Variants in NRG3 observed in about 807,000 individuals in gnomAD.
The protein encoded by NRG3 is neuregulin 3.
NRG3 carries 31 observed loss-of-function variants against 66.9 expected under a neutral mutation model. That is an observed-to-expected ratio of 0.46 (90% confidence interval 0.35 to 0.63). The LOEUF (loss-of-function observed/expected upper bound fraction) is 0.63, where lower values mean the gene tolerates loss of function less well. NRG3 is among the 20% of genes least tolerant of loss of function. The probability of loss-of-function intolerance (pLI) is 0.00; values close to 1 mark genes in which losing one functional copy is unlikely to be tolerated. For missense variants in NRG3, 910 were observed against 878.9 expected, an observed-to-expected ratio of 1.04 and a Z score of -0.45; for synonymous variants, 393 against 359.4, an observed-to-expected ratio of 1.09 and a Z score of -1.06.
At chr10:82,769,923 T>G (rs1026528130) in intron 3 of NRG3, among the ~76,000 whole-genome samples, 4 of 152,118 alleles carry the variant, frequency 2.6e-5, no homozygotes, top group African/African-American at 9.7e-5. Flanking sequence ...CTTGCCAATT[T>G]AGGACGTGAT....
chr10:82,933,461 C>T (rs1287187634), intron 4 of NRG3, among the ~76,000 whole-genome samples: 1 of 152,088 alleles, frequency 6.6e-6, no homozygotes, highest in Non-Finnish European at 1.5e-5. Flanking sequence ...TCTATCCTAC[C>T]CCATTATATT....
At chr10:81,968,905 T>C (rs1424757078) in intron 1 of NRG3, among the ~76,000 whole-genome samples, 1 of 152,178 alleles carries the variant, frequency 6.6e-6, no homozygotes, top group Admixed American at 6.5e-5. Flanking sequence ...CAACAGCTCT[T>C]GCAGAGAAGA....
At chr10:81,971,463 A>G (rs959607661) in intron 1 of NRG3, among the ~76,000 whole-genome samples, 6 of 152,240 alleles carry the variant, frequency 3.9e-5, no homozygotes, top group Admixed American at 3.9e-4. Flanking sequence ...TTATTTAATA[A>G]GTAATGGAAA....
chr10:82,227,929 G>A (rs2076249899), intron 1 of NRG3, among the ~76,000 whole-genome samples: 1 of 152,096 alleles, frequency 6.6e-6, no homozygotes, highest in Non-Finnish European at 1.5e-5. Context: ...CTTAATTTAA[G>A]TTTCCTCAAG....
At chr10:82,224,052 C>T (rs1165806160) in intron 1 of NRG3, among the ~76,000 whole-genome samples, 1 of 152,152 alleles carries the variant, frequency 6.6e-6, no homozygotes, top group Non-Finnish European at 1.5e-5. Flanking sequence ...TCCAGGGATG[C>T]CACCATGTGA....
At chr10:82,934,149 G>T (rs1317049936) in intron 4 of NRG3, among the ~76,000 whole-genome samples, 2 of 152,194 alleles carry the variant, frequency 1.3e-5, no homozygotes, top group Non-Finnish European at 2.9e-5. Flanking sequence ...TGCAGCTTAT[G>T]ATGCCAAAAG....
At chr10:82,784,051 C>T (rs2060235312) in intron 3 of NRG3, among the ~76,000 whole-genome samples, 1 of 151,846 alleles carries the variant, frequency 6.6e-6, no homozygotes, top group Non-Finnish European at 1.5e-5. Context: ...AGAAATAATG[C>T]TGCGTATCTA....
chr10:82,099,833 A>G (rs1021548980), intron 1 of NRG3, among the ~76,000 whole-genome samples: 2 of 151,350 alleles, frequency 1.3e-5, no homozygotes, highest in Non-Finnish European at 2.9e-5. Flanking sequence ...CAAAAAAACA[A>G]CTTAGCTGGT....
intron 1 of NRG3, among the ~76,000 whole-genome samples, chr10:82,067,441 C>T (rs528725971): frequency 3.9e-5 from 6 of 152,264 alleles, no homozygotes; most frequent in South Asian, 4.1e-4. Flanking sequence ...CTTCTCTCCC[C>T]GGTTCAAGCC....
At chr10:82,223,323 A>G (rs2076023312) in intron 1 of NRG3, among the ~76,000 whole-genome samples, 1 of 152,098 alleles carries the variant, frequency 6.6e-6, no homozygotes. Context: ...AATGTATCAG[A>G]GTACTTAATT....
At chr10:82,057,299 T>G (rs2063893745) in intron 1 of NRG3, among the ~76,000 whole-genome samples, 2 of 95,406 alleles carry the variant, frequency 2.1e-5, no homozygotes, top group African/African-American at 6.5e-5. Context: ...TTGTTAGTTC[T>G]TTTTTCCTAA....
At chr10:82,347,277 C>A (rs1188320492) in intron 1 of NRG3, among the ~76,000 whole-genome samples, 2 of 149,726 alleles carry the variant, frequency 1.3e-5, no homozygotes, top group Non-Finnish European at 2.9e-5. Flanking sequence ...TCTTTGTTCT[C>A]GTTGGTTTCA....
chr10:82,853,104 C>A (rs941625814), intron 3 of NRG3, among the ~76,000 whole-genome samples: 4 of 152,036 alleles, frequency 2.6e-5, no homozygotes, highest in Admixed American at 2.0e-4. Context: ...ATTCAATGAG[C>A]AATAAATTAT....
At chr10:82,810,125 A>G (rs185462969) in intron 3 of NRG3, among the ~76,000 whole-genome samples, 17 of 152,250 alleles carry the variant, frequency 1.1e-4, no homozygotes, top group African/African-American at 3.4e-4. Flanking sequence ...GGCTTGCCCT[A>G]TGATTTTGAC....
At chr10:81,890,997 G>A (rs1458523400) in intron 1 of NRG3, among the ~76,000 whole-genome samples, 1 of 152,136 alleles carries the variant, frequency 6.6e-6, no homozygotes, top group Non-Finnish European at 1.5e-5. Context: ...CAGCTACAAG[G>A]TATGAAATGA....
rs547547074 is a variant in NRG3, at chr10:82,139,604, TTG to T, written c.824-219132_824-219131del. On this transcript the variant is annotated intron_variant, in intron 1 of 8. Coordinates refer to ENST00000372141, the MANE Select transcript of NRG3 (RefSeq NM_001010848.4). ...TTGGAAGCATCAAGCTTTCTCAATATTGTGACACTTACATTACTGTTGAAGTC... is the reference window on the plus strand; with the variant it reads ...TTGGAAGCATCAAGCTTTCTCAATATTGACACTTACATTACTGTTGAAGTC... Among the ~76,000 whole-genome samples the T allele has an allele frequency of 1.2e-3, 183 of 152,310 alleles. 1 individual carries two copies. Among genetic ancestry groups the T allele is most frequent in the Non-Finnish European group, 2.0e-3 (138 of 68,024 alleles).
intron 2 of NRG3, among the ~76,000 whole-genome samples, chr10:82,599,552 C>T (rs1417534077): frequency 6.6e-6 from 1 of 152,156 alleles, no homozygotes; most frequent in Non-Finnish European, 1.5e-5. Flanking sequence ...CCGGGGCTCA[C>T]GCCTGTAATC....
chr10:82,496,019 A>G (rs1843598935), intron 2 of NRG3, among the ~76,000 whole-genome samples: 1 of 152,186 alleles, frequency 6.6e-6, no homozygotes, highest in Non-Finnish European at 1.5e-5. Flanking sequence ...TTCATAAAGA[A>G]GCTGATAACT....
At chr10:82,726,744 G>C (rs1342395927) in intron 2 of NRG3, among the ~76,000 whole-genome samples, 2 of 152,118 alleles carry the variant, frequency 1.3e-5, no homozygotes, top group Non-Finnish European at 2.9e-5. Context: ...AAATAACTTT[G>C]GAACTGGGTA....
Sources: gnomAD v4.1 joint callset for allele counts (sites outside exome capture counted in the v4.1 genomes callset) on GRCh38, gnomAD v4.1.1 for gene constraint, MANE v1.5 for transcripts, NCBI Gene and HGNC (gene_info 2026-07-23, HGNC 2026-07-21) for gene names.